The following COL14A1 variants were observed in gnomAD, a reference collection of about 807,000 sequenced individuals.
The protein encoded by COL14A1 is collagen type XIV alpha 1 chain.
In COL14A1, 136 loss-of-function variants were observed where a neutral mutation model predicts 230.3. The observed-to-expected ratio is 0.59, with a 90% CI of 0.51 to 0.68. COL14A1 has a LOEUF of 0.68. COL14A1 is among the 30% of genes least tolerant of loss of function. The pLI, the probability that COL14A1 is intolerant of heterozygous loss-of-function variation, is 0.00. For missense variants in COL14A1, 1,976 were observed against 2,215.8 expected, an observed-to-expected ratio of 0.89 and a Z score of 2.17; for synonymous variants, 792 against 784.1, an observed-to-expected ratio of 1.01 and a Z score of -0.17.
intron 40 of COL14A1, among the ~76,000 whole-genome samples, chr8:120,324,887 C>T (rs556633666): frequency 1.1e-3 from 160 of 151,846 alleles, no homozygotes; most frequent in African/African-American, 3.7e-3. Context: ...GTGGGCAGGT[C>T]AGTTTTTTTT....
intron 34 of COL14A1, among the ~76,000 whole-genome samples, chr8:120,293,430 T>C (rs1820432270): frequency 6.6e-6 from 1 of 151,648 alleles, no homozygotes; most frequent in African/African-American, 2.4e-5. Context: ...TGATAGCTAA[T>C]AGTTATTACA....
intron 21 of COL14A1, 47 bp from the exon 22 acceptor site, chr8:120,250,570 T>G: frequency 6.3e-7 from 1 of 1,597,574 alleles, no homozygotes; most frequent in Non-Finnish European, 8.6e-7. Context: ...GTGCTTCTAT[T>G]TTCCCATATT....
intron 18 of COL14A1, among the ~76,000 whole-genome samples, chr8:120,229,007 TTGTC>T (rs1477663221): frequency 1.3e-5 from 2 of 152,124 alleles, no homozygotes; most frequent in South Asian, 2.1e-4. Flanking sequence ...TCTTTCATCT[TTGTC>T]TGGATGCTCA....
At chr8:120,326,816 G>T (rs905412741) in intron 40 of COL14A1, among the ~76,000 whole-genome samples, 6 of 152,056 alleles carry the variant, frequency 3.9e-5, no homozygotes, top group African/African-American at 1.2e-4. Flanking sequence ...ACTTGAGTTC[G>T]GGAGTTTGAG....
chr8:120,200,930 A>G (rs1477503699), intron 8 of COL14A1, among the ~76,000 whole-genome samples: 2 of 151,248 alleles, frequency 1.3e-5, no homozygotes, highest in Non-Finnish European at 2.9e-5. Flanking sequence ...GTGAGTTCCC[A>G]GAGGTTCAGG....
At chr8:120,356,411 T>G (rs1586894446) in intron 45 of COL14A1, among the ~76,000 whole-genome samples, 1 of 152,366 alleles carries the variant, frequency 6.6e-6, no homozygotes, top group African/African-American at 2.4e-5. Flanking sequence ...GCCACTTAAC[T>G]AGCTATGTGA....
At chr8:120,245,405 C>T (rs182677063) in intron 20 of COL14A1, among the ~76,000 whole-genome samples, 22 of 152,250 alleles carry the variant, frequency 1.4e-4, no homozygotes, top group Middle Eastern at 6.8e-3. Flanking sequence ...CGTCATGCAA[C>T]GCTTATTTAA....
At chr8:120,215,403 G>GGAAT (rs1269989552) in intron 13 of COL14A1, among the ~76,000 whole-genome samples, 1 of 150,776 alleles carries the variant, frequency 6.6e-6, no homozygotes, top group Non-Finnish European at 1.5e-5. Flanking sequence ...AAGGAAGGAA[G>GGAAT]GAAGGAAGGT....
intron 5 of COL14A1, among the ~76,000 whole-genome samples, chr8:120,192,393 T>C (rs1816858976): frequency 6.6e-6 from 1 of 152,220 alleles, no homozygotes; most frequent in African/African-American, 2.4e-5. Context: ...TTCTGGCTTG[T>C]AGAGTTTCTG....
intron 24 of COL14A1, 64 bp downstream of exon 24, chr8:120,263,078 G>T: frequency 1.4e-6 from 2 of 1,473,556 alleles, no homozygotes; most frequent in African/African-American, 1.4e-5. Context: ...CAGGCATCCT[G>T]TTTCCTTATC....
intron 7 of COL14A1, among the ~76,000 whole-genome samples, chr8:120,199,109 A>G (rs2130717909): frequency 6.6e-6 from 1 of 152,304 alleles, no homozygotes; most frequent in East Asian, 1.9e-4. Context: ...ATAAAGGTTC[A>G]GATCTGCTTG....
chr8:120,203,585 CA>C (rs1024092629), intron 8 of COL14A1, 123 bp from the exon 9 acceptor site: 2 of 629,644 alleles, frequency 3.2e-6, no homozygotes, highest in Non-Finnish European at 5.1e-6. Flanking sequence ...TATATATATA[CA>C]AGTAGCAGAT....
intron 36 of COL14A1, among the ~76,000 whole-genome samples, chr8:120,301,554 A>G (rs1450105143): frequency 6.6e-6 from 1 of 152,146 alleles, no homozygotes; most frequent in African/African-American, 2.4e-5. Context: ...TTATAGCTGC[A>G]TGGTATTCCA....
At chr8:120,316,604 T>C (rs908062205) in intron 40 of COL14A1, among the ~76,000 whole-genome samples, 2 of 152,130 alleles carry the variant, frequency 1.3e-5, no homozygotes, top group Non-Finnish European at 2.9e-5. Flanking sequence ...AATAAGAAAC[T>C]TTTATTACAT....
intron 45 of COL14A1, among the ~76,000 whole-genome samples, chr8:120,359,419 A>G (rs1224496142): frequency 2.0e-5 from 3 of 152,188 alleles, no homozygotes; most frequent in Non-Finnish European, 4.4e-5. Context: ...GCCTGGACAC[A>G]GCTCACTTTT....
At chr8:120,194,419 A>G (rs1204386014) in intron 5 of COL14A1, among the ~76,000 whole-genome samples, 1 of 152,092 alleles carries the variant, frequency 6.6e-6, no homozygotes, top group African/African-American at 2.4e-5. Context: ...CCCAAAATCT[A>G]AGACCTTGAC....
At chr8:120,341,237 G>A in intron 42 of COL14A1, 88 bp from the exon 43 acceptor site, 1 of 1,335,210 alleles carries the variant, frequency 7.5e-7, no homozygotes, top group Non-Finnish European at 1.1e-6. Flanking sequence ...TAAGAAAAAT[G>A]TCTTAATAAA....
intron 18 of COL14A1, 111 bp from the exon 19 acceptor site, chr8:120,231,356 T>G: frequency 8.6e-7 from 1 of 1,161,582 alleles, no homozygotes; most frequent in South Asian, 1.5e-5. Flanking sequence ...ACAACTATAT[T>G]ACAGGGATAC....
chr8:120,252,359 T>G (rs1395267251), intron 22 of COL14A1, among the ~76,000 whole-genome samples: 1 of 152,164 alleles, frequency 6.6e-6, no homozygotes, highest in African/African-American at 2.4e-5. Flanking sequence ...CTCCCGTCTT[T>G]AGTCCCCAAA....
Sources: gnomAD v4.1 joint callset for allele counts (sites outside exome capture counted in the v4.1 genomes callset) on GRCh38, gnomAD v4.1.1 for gene constraint, MANE v1.5 for transcripts, NCBI Gene and HGNC (gene_info 2026-07-23, HGNC 2026-07-21) for gene names.